CD84: variants seen among roughly 807,000 people sequenced by gnomAD.
CD84 encodes the protein CD84 molecule.
CD84 carries 22 observed loss-of-function variants against 33.8 expected under a neutral mutation model. That is an observed-to-expected ratio of 0.65 (90% CI 0.46 to 0.93). The LOEUF (loss-of-function observed/expected upper bound fraction) is 0.93, where lower values mean the gene tolerates loss of function less well. Ranked by LOEUF, CD84 falls within the 40% of genes least tolerant of loss-of-function variation. CD84 has a pLI of 0.00. For missense variants in CD84, 400 were observed against 397.6 expected, an observed-to-expected ratio of 1.01 and a Z score of -0.05; for synonymous variants, 154 against 145.2, an observed-to-expected ratio of 1.06 and a Z score of -0.44.
chr1:160,551,319 T>C, intron 4 of CD84: 1 of 370,570 alleles, frequency 2.7e-6, no homozygotes, highest in South Asian at 2.7e-5. Flanking sequence ...GTAGCTCTTC[T>C]ACCCAGGATC....
Position 160,565,563 on chromosome 1 carries a change from T to TC in CD84, c.228dup (p.Thr77AspfsTer7), listed in dbSNP as rs1157280336. 1 of 1,613,986 alleles carries TC rather than the reference T, an allele frequency of 6.2e-7. No individual in the cohort carries two copies. ...ATCCGTTCATAATAATTTCTGTGGG[T>TC]CACAGTAACTACGGGTGCTGTTTCT... On this transcript the variant is annotated frameshift_variant, in exon 2 of 7. Coordinates refer to ENST00000368054, the MANE Select transcript of CD84 (RefSeq NM_003874.4). LOFTEE classifies it high-confidence loss of function.
Position 160,559,632 on chromosome 1 carries a change from C to T in CD84, c.389-5486G>A, listed in dbSNP as rs958778142. On this transcript the variant is annotated intron_variant, in intron 2 of 6. Coordinates refer to ENST00000368054, the MANE Select transcript of CD84 (RefSeq NM_003874.4). ...ACACGATCAAATTCACACATAACAA[C>T]ACTAACCTTAAGTGTAAATGCGCTA... 2.0e-5 allele frequency among the ~76,000 whole-genome samples: 3 copies of T among 152,140 alleles called. No individual in the cohort carries two copies. In the East Asian group the frequency reaches 5.8e-4, roughly 29 times the overall value.
chr1:160,541,624 G>A lies in CD84; in HGVS notation c.*6632C>T, dbSNP rs1655546477. 6.6e-6 allele frequency: 1 copy of A among 152,320 alleles called. No individual in the cohort carries two copies. The highest frequency in any genetic ancestry group is 2.1e-4 in the South Asian group (1 of 4,822). 9.4% of individuals were successfully genotyped at this position (152,320 alleles called of 1,614,324 possible). A position where few individuals can be genotyped will look rare whatever the true frequency, so the allele number is the denominator to read the frequency against. On this transcript the variant is annotated 3_prime_UTR_variant, in exon 7 of 7. Transcript: ENST00000368054. ...GTCTGATGCTTGATGTAGACAGAAG[G>A]GAGAGAAGGGCATCCCAGACAACAT...
At chr1:160,573,100 T>C (rs556401129) in intron 1 of CD84, among the ~76,000 whole-genome samples, 1 of 152,116 alleles carries the variant, frequency 6.6e-6, no homozygotes, top group Non-Finnish European at 1.5e-5. Flanking sequence ...TCAAAGCCAC[T>C]GACTAGAAGA....
At chr1:160,576,154 T>G (rs1433814856) in intron 1 of CD84, among the ~76,000 whole-genome samples, 4 of 152,116 alleles carry the variant, frequency 2.6e-5, no homozygotes, top group East Asian at 1.9e-4. Flanking sequence ...CAGGTTGTTT[T>G]GTCAGCATAC....
At chr1:160,578,034 G>A (rs11580420) in intron 1 of CD84, among the ~76,000 whole-genome samples, 2,666 of 152,228 alleles carry the variant, frequency 0.018, 40 homozygotes, top group African/African-American at 0.033. Context: ...GCAGAAAGAA[G>A]AACCAATGGG....
Position 160,565,461 on chromosome 1 carries a change from T to A in CD84, c.331A>T (p.Ile111Leu), listed in dbSNP as rs370980795. ...MEDAGDYKAD[I>L]NTQADPYTTT... Reference sequence around the variant, plus strand: ...GTGTAGGGATCAGCCTGTGTATTTATGTCTGCTTTGTAGTCTCCTGCGTCT... The same window carrying A: ...GTGTAGGGATCAGCCTGTGTATTTAAGTCTGCTTTGTAGTCTCCTGCGTCT... The change falls in exon 2 of 7, where the codon ATA (isoleucine) becomes TTA (leucine). Residue 111 changes from isoleucine (I) to leucine (L), a missense_variant. By Grantham distance (5) the Ile-to-Leu change is conservative (BLOSUM62 2). Transcript: ENST00000368054. 175 of 1,613,830 alleles carry A rather than the reference T, an allele frequency of 1.1e-4. No homozygotes were observed. The highest frequency in any genetic ancestry group is 1.4e-4 in the Non-Finnish European group (166 of 1,179,884).
rs368271458 is a variant in CD84 at position 160,545,990 on chromosome 1, C to CT, written c.*2265dup. On this transcript the variant is annotated 3_prime_UTR_variant, in exon 7 of 7. Transcript: ENST00000368054. ...TTGCACCATGCTTATTGGCTTCTAT[C>CT]TTTTTTTTTTTTTCGAGATGGAGTC... The CT allele has an allele frequency of 0.015, 2,068 of 139,314 alleles. 47 individuals are homozygous for CT. The highest frequency in any genetic ancestry group is 0.035 in the African/African-American group (1,357 of 38,386). 8.6% of individuals were successfully genotyped at this position (139,314 alleles called of 1,614,324 possible). A position where few individuals can be genotyped will look rare whatever the true frequency, so the allele number is the denominator to read the frequency against.
At position 160,579,459 on chromosome 1, in the gene CD84, T is replaced by G; in HGVS notation, c.-22A>C. 6.2e-7 allele frequency: 1 copy of G among 1,612,692 alleles called. No individual in the cohort carries two copies. Among genetic ancestry groups the G allele is most frequent in the Non-Finnish European group, 8.5e-7 (1 of 1,179,120 alleles). On this transcript the variant is annotated 5_prime_UTR_variant, in exon 1 of 7. Coordinates refer to ENST00000368054, the MANE Select transcript of CD84 (RefSeq NM_003874.4). ...CCATCTCTTTCAGGGTCTAACCTTC[T>G]GTGGAAAAGCACGGCACTGTTCTAG...
intron 2 of CD84, among the ~76,000 whole-genome samples, chr1:160,556,382 C>A (rs996486290): frequency 1.3e-5 from 2 of 152,164 alleles, no homozygotes; most frequent in African/African-American, 2.4e-5. Flanking sequence ...TTATTTATAA[C>A]ATGAGGGTAA....
At chr1:160,578,087 C>T (rs1483539132) in intron 1 of CD84, among the ~76,000 whole-genome samples, 1 of 152,054 alleles carries the variant, frequency 6.6e-6, no homozygotes, top group Non-Finnish European at 1.5e-5. Context: ...TGTCTATTTC[C>T]AGCTCTACCA....
chr1:160,548,973 C>T (rs1007036782), intron 6 of CD84, among the ~76,000 whole-genome samples: 1 of 152,058 alleles, frequency 6.6e-6, no homozygotes, highest in Non-Finnish European at 1.5e-5. Flanking sequence ...GGCACCCTGA[C>T]CCTCACTTCT....
At chr1:160,559,318 G>T (rs1656799453) in intron 2 of CD84, among the ~76,000 whole-genome samples, 1 of 152,166 alleles carries the variant, frequency 6.6e-6, no homozygotes, top group Non-Finnish European at 1.5e-5. Flanking sequence ...GAGATTGGGG[G>T]CCAATAGTCA....
At chr1:160,555,882 G>A (rs1478104138) in intron 2 of CD84, among the ~76,000 whole-genome samples, 4 of 152,192 alleles carry the variant, frequency 2.6e-5, no homozygotes, top group African/African-American at 9.7e-5. Context: ...TTGATTCCAA[G>A]CTAGCCAGAA....
intron 1 of CD84, 44 bp from the exon 2 acceptor site, chr1:160,565,789 C>T: frequency 6.8e-7 from 1 of 1,461,430 alleles, no homozygotes; most frequent in Non-Finnish European, 9.1e-7. Context: ...ACTGTTGCAG[C>T]TTTTTCACTT....
At position 160,579,077 on chromosome 1, in the gene CD84, T is replaced by C. The variant is rs184604114; in HGVS notation, c.46+315A>G. Among the ~76,000 whole-genome samples the C allele has an allele frequency of 5.2e-3, 790 of 152,254 alleles. 5 individuals are homozygous for C. Among genetic ancestry groups the C allele is most frequent in the African/African-American group, 0.018 (750 of 41,548 alleles). The stretch of plus-strand genomic sequence containing the variant: ...ATTCAAGCTTTTAGAAGATCTTTCT[T>C]TTGCCAGGCTTTTTGGGTGGGTTTA... On this transcript the variant is annotated intron_variant, in intron 1 of 6. Transcript: ENST00000368054.
At chr1:160,568,253 T>A (rs1657451148) in intron 1 of CD84, among the ~76,000 whole-genome samples, 1 of 152,060 alleles carries the variant, frequency 6.6e-6, no homozygotes, top group Non-Finnish European at 1.5e-5. Flanking sequence ...GCAGCCACAG[T>A]GGTTGGTGTG....
At chr1:160,553,746 A>G in intron 3 of CD84, 149 bp downstream of exon 3, 3 of 1,295,052 alleles carry the variant, frequency 2.3e-6, no homozygotes, top group Non-Finnish European at 2.1e-6. Flanking sequence ...CCTCTTTCCC[A>G]GTAGGCTTCT....
intron 6 of CD84, among the ~76,000 whole-genome samples, chr1:160,548,668 T>C (rs1655985662): frequency 1.3e-5 from 2 of 152,070 alleles, no homozygotes; most frequent in Admixed American, 6.5e-5. Context: ...TGACCCCTAG[T>C]TTTTTTGTAT....
Sources: gnomAD v4.1 joint callset for allele counts (sites outside exome capture counted in the v4.1 genomes callset) on GRCh38, gnomAD v4.1.1 for gene constraint, MANE v1.5 for transcripts, NCBI Gene and HGNC (gene_info 2026-07-23, HGNC 2026-07-21) for gene names.